Variants in FRMD4B observed in about 807,000 individuals in gnomAD.
The protein encoded by FRMD4B is FERM domain containing 4B, also known as FERM domain-containing protein 4B.
Under a neutral mutation model 141.5 loss-of-function variants are expected in FRMD4B, and 74 were observed. That is an observed-to-expected ratio of 0.52 (90% confidence interval 0.43 to 0.63). The LOEUF (loss-of-function observed/expected upper bound fraction) is 0.63. FRMD4B is among the 30% of genes least tolerant of loss of function. The pLI, the probability that FRMD4B is intolerant of heterozygous loss-of-function variation, is 0.00. For synonymous variants in FRMD4B, 506 were observed against 467.9 expected (o/e 1.08, Z -1.05); for missense variants, 1,366 against 1,253.4 (o/e 1.09, Z -1.36).
rs1355077806 is a variant in FRMD4B at position 69,257,829 on chromosome 3, T to TTTTTG, written c.502-7735_502-7731dup. Among the ~76,000 whole-genome samples, 3 of 151,616 alleles carry TTTTTG rather than the reference T, an allele frequency of 2.0e-5. No homozygotes were observed. The South Asian group carries it at 6.3e-4, about 32-fold the overall frequency. Reference sequence around the variant, plus strand: ...GGTGTGTATCACCATGCCTGGCTAATTTTTGTTTTGTTTTTGAGATGGAGT... The same window carrying TTTTTG: ...GGTGTGTATCACCATGCCTGGCTAATTTTTGTTTTGTTTTGTTTTTGAGATGGAGT... On this transcript the variant is annotated intron_variant, in intron 5 of 22. Transcript: ENST00000398540.
chr3:69,480,168 C>CG (rs1426970688), intron 1 of FRMD4B, among the ~76,000 whole-genome samples: 4 of 151,496 alleles, frequency 2.6e-5, no homozygotes, highest in African/African-American at 7.3e-5. Flanking sequence ...TCCTGTAGCT[C>CG]GGAGTAGTTT....
At chr3:69,392,173 C>T (rs972402762) in intron 2 of FRMD4B, among the ~76,000 whole-genome samples, 9 of 152,220 alleles carry the variant, frequency 5.9e-5, no homozygotes, top group Admixed American at 5.9e-4. Flanking sequence ...GAACTAAGCA[C>T]TCAGAACACT....
chr3:69,275,570 G>A (rs1251628521), intron 5 of FRMD4B, among the ~76,000 whole-genome samples: 1 of 151,570 alleles, frequency 6.6e-6, no homozygotes, highest in Non-Finnish European at 1.5e-5. Flanking sequence ...ATTCCAAGTA[G>A]CTAGGACCAC....
At chr3:69,348,297 C>T (rs9816479) in intron 1 of FRMD4B, among the ~76,000 whole-genome samples, 25,326 of 151,904 alleles carry the variant, frequency 0.17, 2,908 homozygotes, top group African/African-American at 0.32. Flanking sequence ...AAGTTGAATC[C>T]CTGAAAAAGA....
chr3:69,473,525 T>C (rs1176215742), intron 1 of FRMD4B, among the ~76,000 whole-genome samples: 1 of 152,192 alleles, frequency 6.6e-6, no homozygotes, highest in African/African-American at 2.4e-5. Flanking sequence ...ATGGTTTTCA[T>C]ATAGCCATCT....
At chr3:69,175,821 C>T (rs1429080302) in intron 22 of FRMD4B, among the ~76,000 whole-genome samples, 1 of 134,158 alleles carries the variant, frequency 7.5e-6, no homozygotes, top group Non-Finnish European at 1.5e-5. Flanking sequence ...CGCTCTGTCG[C>T]CCAGGCTGGA....
intron 19 of FRMD4B, 121 bp from the exon 20 acceptor site, chr3:69,182,838 T>A (rs1348707010): frequency 4.5e-6 from 4 of 892,168 alleles, no homozygotes; most frequent in African/African-American, 3.4e-5. Flanking sequence ...GGGAGAAAGA[T>A]AGGAAGAGTG....
chr3:69,411,175 C>G (rs1410783314), intron 2 of FRMD4B, among the ~76,000 whole-genome samples: 1 of 152,108 alleles, frequency 6.6e-6, no homozygotes, highest in Non-Finnish European at 1.5e-5. Context: ...AGATTTGTAC[C>G]TGAACTATCC....
chr3:69,365,509 T>TTTG (rs1553730867), intron 1 of FRMD4B, among the ~76,000 whole-genome samples: 1,895 of 142,066 alleles, frequency 0.013, 44 homozygotes, highest in African/African-American at 0.048. Flanking sequence ...ACCTTTGTTT[T>TTTG]TTTTCTTTTT....
chr3:69,374,490 C>T (rs1703913910), intron 1 of FRMD4B, among the ~76,000 whole-genome samples: 1 of 152,152 alleles, frequency 6.6e-6, no homozygotes, highest in Non-Finnish European at 1.5e-5. Context: ...ATAACCAGGT[C>T]TTCTTAGCAG....
At chr3:69,327,860 T>G (rs1414690215) in intron 1 of FRMD4B, among the ~76,000 whole-genome samples, 5 of 152,206 alleles carry the variant, frequency 3.3e-5, no homozygotes. Context: ...ATATTTCCTC[T>G]CAACTTACAG....
chr3:69,312,625 G>A (rs750642448), intron 2 of FRMD4B, among the ~76,000 whole-genome samples: 3 of 152,230 alleles, frequency 2.0e-5, no homozygotes, highest in East Asian at 3.8e-4. Context: ...TTGGCTGGGC[G>A]CAGAGGCTCA....
rs1316551720 is a variant in FRMD4B, at chr3:69,330,946, G to A, written c.163-17429C>T. Among the ~76,000 whole-genome samples, 3 of 152,192 alleles carry A rather than the reference G, an allele frequency of 2.0e-5. No homozygotes were observed. In the East Asian group the frequency reaches 5.8e-4, roughly 29 times the overall value. On this transcript the variant is annotated intron_variant, in intron 1 of 22. Coordinates refer to ENST00000398540, the MANE Select transcript of FRMD4B (RefSeq NM_015123.3). ...CATTCACAAGCAGATTTGAGCACAT[G>A]TCATTATGCTCTGTCGGCAAGTTTC... is the stretch of plus-strand genomic sequence containing the variant.
At chr3:69,536,493 G>A in intron 1 of FRMD4B, 1 of 697,264 alleles carries the variant, frequency 1.4e-6, no homozygotes, top group Non-Finnish European at 2.7e-6. Flanking sequence ...ACGTGCCCTA[G>A]CGCTACTCCC....
chr3:69,353,973 T>C (rs923079529), intron 1 of FRMD4B, among the ~76,000 whole-genome samples: 24 of 152,364 alleles, frequency 1.6e-4, no homozygotes, highest in Middle Eastern at 3.4e-3. Flanking sequence ...TATTCAGAGA[T>C]AGGCGATGCC....
intron 1 of FRMD4B, among the ~76,000 whole-genome samples, chr3:69,495,168 A>C (rs958172664): frequency 6.6e-6 from 1 of 152,196 alleles, no homozygotes; most frequent in Non-Finnish European, 1.5e-5. Context: ...CTACAACCCC[A>C]CTAAGGACAC....
intron 1 of FRMD4B, among the ~76,000 whole-genome samples, chr3:69,512,864 A>C (rs1706711655): frequency 6.6e-6 from 1 of 152,248 alleles, no homozygotes; most frequent in Admixed American, 6.5e-5. Flanking sequence ...TACTGAGATA[A>C]GTGAAAATCA....
At chr3:69,390,607 C>G (rs1327198847), upstream of FRMD4B, among the ~76,000 whole-genome samples, 2 of 151,982 alleles carry the variant, frequency 1.3e-5, no homozygotes, top group African/African-American at 4.8e-5. Flanking sequence ...AAATGCTACA[C>G]CCTGGCCAGG....
intron 1 of FRMD4B, among the ~76,000 whole-genome samples, chr3:69,504,580 T>C (rs950809298): frequency 6.6e-6 from 1 of 152,252 alleles, no homozygotes; most frequent in Non-Finnish European, 1.5e-5. Context: ...TGTGGTCTTT[T>C]GTGTCTGGCC....
Sources: gnomAD v4.1 joint callset for allele counts (sites outside exome capture counted in the v4.1 genomes callset) on GRCh38, gnomAD v4.1.1 for gene constraint, MANE v1.5 for transcripts, NCBI Gene and HGNC (gene_info 2026-07-23, HGNC 2026-07-21) for gene names.